Variants in DIS3L2 observed in about 807,000 individuals in gnomAD.
The protein encoded by DIS3L2 is DIS3-like exonuclease 2.
A neutral mutation model predicts 97.5 loss-of-function variants in DIS3L2; 34 were observed. That is an observed-to-expected ratio of 0.35 (90% CI 0.27 to 0.46). DIS3L2 has a LOEUF of 0.46. Ranked by LOEUF, DIS3L2 falls within the 20% of genes least tolerant of loss-of-function variation. DIS3L2 has a pLI of 1.00. For synonymous variants in DIS3L2, 435 were observed against 445.2 expected (o/e 0.98, Z 0.29); for missense variants, 1,038 against 1,146.0 (o/e 0.91, Z 1.36).
chr2:232,021,577 C>T (rs1229756739), intron 3 of DIS3L2, among the ~76,000 whole-genome samples: 2 of 151,686 alleles, frequency 1.3e-5, no homozygotes, highest in Non-Finnish European at 2.9e-5. Flanking sequence ...TGGTCTTCAA[C>T]ATGGATGTGA....
intron 6 of DIS3L2, among the ~76,000 whole-genome samples, chr2:232,128,047 C>G (rs1698113846): frequency 6.6e-6 from 1 of 152,132 alleles, no homozygotes; most frequent in African/African-American, 2.4e-5. Flanking sequence ...ACTTCCTGGG[C>G]TCAAGTGATC....
At chr2:232,311,377 A>G (rs1695128605) in intron 14 of DIS3L2, among the ~76,000 whole-genome samples, 1 of 152,234 alleles carries the variant, frequency 6.6e-6, no homozygotes, top group Admixed American at 6.5e-5. Flanking sequence ...AAAGTGTACA[A>G]ATTATAAGCA....
intron 6 of DIS3L2, among the ~76,000 whole-genome samples, chr2:232,103,460 C>G (rs1453169938): frequency 6.6e-6 from 1 of 152,136 alleles, no homozygotes; most frequent in Non-Finnish European, 1.5e-5. Context: ...GAGCCTCTTT[C>G]AAGATGCTGT....
At chr2:232,075,826 T>A (rs1260246401) in intron 5 of DIS3L2, among the ~76,000 whole-genome samples, 1 of 152,226 alleles carries the variant, frequency 6.6e-6, no homozygotes, top group Non-Finnish European at 1.5e-5. Flanking sequence ...TATTATTAAA[T>A]CCTTCACTTT....
intron 14 of DIS3L2, among the ~76,000 whole-genome samples, chr2:232,313,045 A>G (rs990959861): frequency 1.3e-5 from 2 of 152,160 alleles, no homozygotes; most frequent in African/African-American, 4.8e-5. Flanking sequence ...TGTCATCTGC[A>G]AATAATGACA....
chr2:232,247,267 A>T (rs1693276950), intron 11 of DIS3L2, among the ~76,000 whole-genome samples: 1 of 152,192 alleles, frequency 6.6e-6, no homozygotes, highest in Admixed American at 6.5e-5. Context: ...AGCAAACTTG[A>T]TGTAGTCTGT....
At chr2:232,100,096 C>T (rs757660173) in intron 6 of DIS3L2, among the ~76,000 whole-genome samples, 4 of 151,796 alleles carry the variant, frequency 2.6e-5, no homozygotes, top group East Asian at 3.9e-4. Context: ...AGTGCAATTG[C>T]GTGATCTCGG....
chr2:231,963,034 C>T (rs903715330), intron 1 of DIS3L2, among the ~76,000 whole-genome samples: 17 of 152,048 alleles, frequency 1.1e-4, no homozygotes, highest in Admixed American at 5.2e-4. Flanking sequence ...ATAGCTCAGC[C>T]GTGAACATAC....
intron 9 of DIS3L2, among the ~76,000 whole-genome samples, chr2:232,187,631 C>G (rs1182983603): frequency 6.6e-6 from 1 of 151,998 alleles, no homozygotes; most frequent in African/African-American, 2.4e-5. Context: ...TTAGTAGAGA[C>G]AGGGTTTCAC....
At chr2:232,315,072 G>A (rs1013346804) in intron 14 of DIS3L2, among the ~76,000 whole-genome samples, 8 of 152,098 alleles carry the variant, frequency 5.3e-5, no homozygotes, top group Non-Finnish European at 8.8e-5. Context: ...ACTGCCAGGC[G>A]GTCTTTAAAC....
intron 11 of DIS3L2, among the ~76,000 whole-genome samples, chr2:232,248,146 C>T (rs553687556): frequency 3.9e-5 from 6 of 152,308 alleles, no homozygotes; most frequent in African/African-American, 1.2e-4. Flanking sequence ...AGATACTTCA[C>T]GCAGAATAAG....
chr2:232,333,761 G>GCA, intron 16 of DIS3L2, 79 bp from the exon 17 acceptor site: 23 of 1,443,644 alleles, frequency 1.6e-5, no homozygotes, highest in South Asian at 7.7e-5. Context: ...CCGACGGTGA[G>GCA]GCTGTGGGTG....
intron 8 of DIS3L2, among the ~76,000 whole-genome samples, chr2:232,153,885 G>C (rs1203605093): frequency 6.6e-6 from 1 of 151,988 alleles, no homozygotes; most frequent in African/African-American, 2.4e-5. Flanking sequence ...CATATTTCTT[G>C]GAGGCTTTGC....
intron 6 of DIS3L2, among the ~76,000 whole-genome samples, chr2:232,102,780 A>G (rs541009264): frequency 6.6e-6 from 1 of 152,324 alleles, no homozygotes; most frequent in African/African-American, 2.4e-5. Flanking sequence ...AAGAGCTGGC[A>G]TTGCTCATCC....
intron 14 of DIS3L2, among the ~76,000 whole-genome samples, chr2:232,318,167 C>T (rs1261478657): frequency 6.6e-6 from 1 of 152,234 alleles, no homozygotes; most frequent in Non-Finnish European, 1.5e-5. Context: ...GGTCGGGGTG[C>T]CCAGGAAGCT....
chr2:232,336,487 C>G lies in DIS3L2; in HGVS notation c.2515C>G (p.Leu839Val). 6.2e-7 allele frequency: 1 copy of G among 1,611,486 alleles called. No individual in the cohort carries two copies. The highest frequency in any genetic ancestry group is 8.5e-7 in the Non-Finnish European group (1 of 1,179,558). Residue 839 changes from leucine to valine, a missense_variant, in exon 21 of 21, where the codon CTG becomes GTG. Transcript: ENST00000325385. ...TGCACAGGTCATCACCATCTTCAGC[C>G]TGGTGGAGGTGGTCCTGCAGGCAGA... ...PAQQVITIFS[L>V]VEVVLQAEST...
At chr2:232,330,798 C>T (rs752344734) in intron 16 of DIS3L2, 22 bp downstream of exon 16, 33 of 1,604,116 alleles carry the variant, frequency 2.1e-5, no homozygotes, top group Non-Finnish European at 2.8e-5. Flanking sequence ...CCAGCCCCGG[C>T]CTCCCCTGCT....
chr2:232,176,763 T>A (rs12987968), intron 9 of DIS3L2, among the ~76,000 whole-genome samples: 119 of 140,760 alleles, frequency 8.5e-4, no homozygotes, highest in African/African-American at 2.1e-3. Context: ...TATTTTTTTT[T>A]AATTTTTTAA....
At chr2:231,972,562 G>A (rs116053594) in intron 1 of DIS3L2, among the ~76,000 whole-genome samples, 3,826 of 151,956 alleles carry the variant, frequency 0.025, 153 homozygotes, top group African/African-American at 0.086. Flanking sequence ...TTTTCTTTTT[G>A]AGATGGAATC....
Sources: allele counts gnomAD v4.1 joint callset (sites outside exome capture counted in the v4.1 genomes callset), GRCh38; gene constraint gnomAD v4.1.1; transcripts MANE v1.5; gene names NCBI Gene and HGNC (gene_info 2026-07-23, HGNC 2026-07-21).